The following ADAMTS6 variants were observed in gnomAD, a reference collection of about 807,000 sequenced individuals.
ADAMTS6 encodes ADAM metallopeptidase with thrombospondin type 1 motif 6.
Under a neutral mutation model 144.3 loss-of-function variants are expected in ADAMTS6, and 23 were observed. That is an observed-to-expected ratio of 0.16 (90% CI 0.11 to 0.23). The LOEUF is 0.23. Ranked by LOEUF, ADAMTS6 falls within the 10% of genes least tolerant of loss-of-function variation. ADAMTS6 has a pLI of 1.00. For synonymous variants in ADAMTS6, 444 were observed against 457.5 expected (o/e 0.97, Z 0.38); for missense variants, 999 against 1,379.6 (o/e 0.72, Z 4.37).
intron 7 of ADAMTS6, among the ~76,000 whole-genome samples, chr5:65,439,460 A>AAT (rs928504849): frequency 6.6e-6 from 1 of 152,196 alleles, no homozygotes; most frequent in Non-Finnish European, 1.5e-5. Flanking sequence ...AAAAGGACAT[A>AAT]ATGTATAATC....
chr5:65,237,371 G>C (rs1397371109), intron 15 of ADAMTS6, among the ~76,000 whole-genome samples: 15 of 139,858 alleles, frequency 1.1e-4, no homozygotes, highest in African/African-American at 3.5e-4. Context: ...CTGGGCGACA[G>C]AGGGAGACCT....
At position 65,458,229 on chromosome 5, in the gene ADAMTS6, T is replaced by C. The variant is rs1042014782; in HGVS notation, c.631+1941A>G. ...TAAGTTGTCTTTTTCTGGTACCAAC[T>C]ATTCTTGACCAACAAGGACCTAATT... On this transcript the variant is annotated intron_variant, in intron 4 of 24. Coordinates refer to ENST00000381055, the MANE Select transcript of ADAMTS6 (RefSeq NM_197941.4). Among the ~76,000 whole-genome samples, 4 of 152,310 alleles carry C rather than the reference T, an allele frequency of 2.6e-5. No individual in the cohort carries two copies. In the East Asian group the frequency reaches 7.7e-4, roughly 29 times the overall value.
At chr5:65,407,904 A>G (rs1323151491) in intron 7 of ADAMTS6, among the ~76,000 whole-genome samples, 2 of 152,190 alleles carry the variant, frequency 1.3e-5, no homozygotes, top group African/African-American at 4.8e-5. Flanking sequence ...ACTAAGCTTC[A>G]TAAGTGAAGG....
Position 65,457,440 on chromosome 5 carries a change from G to T in ADAMTS6, c.631+2730C>A, listed in dbSNP as rs146516402. Among the ~76,000 whole-genome samples the T allele has an allele frequency of 2.4e-4, 37 of 152,244 alleles. 1 individual carries two copies. In the East Asian group the frequency reaches 4.1e-3, roughly 17 times the overall value. Reference sequence around the variant, plus strand: ...GGTAAGAGAATATCTTTCCCCAAAAGTGCAGAATTTTATGATAGCCATAAG... The same window carrying T: ...GGTAAGAGAATATCTTTCCCCAAAATTGCAGAATTTTATGATAGCCATAAG... On this transcript the variant is annotated intron_variant, in intron 4 of 24. Transcript: ENST00000381055.
At chr5:65,182,808 TTTATC>T (rs376192853) in intron 22 of ADAMTS6, among the ~76,000 whole-genome samples, 111 of 152,286 alleles carry the variant, frequency 7.3e-4, no homozygotes, top group African/African-American at 2.6e-3. Flanking sequence ...CCAAGGATAT[TTTATC>T]TTATAGTAAC....
At chr5:65,225,124 AT>A in intron 16 of ADAMTS6, 77 bp from the exon 17 acceptor site, 1 of 1,384,146 alleles carries the variant, frequency 7.2e-7, no homozygotes, top group Non-Finnish European at 9.6e-7. Flanking sequence ...CATATAACTT[AT>A]TTATTTGCTT....
intron 7 of ADAMTS6, among the ~76,000 whole-genome samples, chr5:65,372,659 G>C (rs1223417598): frequency 6.6e-6 from 1 of 152,066 alleles, no homozygotes; most frequent in Non-Finnish European, 1.5e-5. Flanking sequence ...TTAATAATGG[G>C]AGACTTTAAC....
intron 15 of ADAMTS6, among the ~76,000 whole-genome samples, chr5:65,234,695 T>C (rs1044149435): frequency 1.9e-4 from 29 of 152,152 alleles, no homozygotes; most frequent in African/African-American, 6.5e-4. Flanking sequence ...GAAAACAGTA[T>C]GCAGCCTTCT....
chr5:65,298,296 A>C (rs1743040685), intron 10 of ADAMTS6, among the ~76,000 whole-genome samples: 1 of 152,148 alleles, frequency 6.6e-6, no homozygotes, highest in Non-Finnish European at 1.5e-5. Context: ...AAAATGGTAC[A>C]AAAACAAAAC....
chr5:65,320,562 TTTTTAC>T (rs1412632342), intron 9 of ADAMTS6, among the ~76,000 whole-genome samples: 1 of 152,102 alleles, frequency 6.6e-6, no homozygotes, highest in African/African-American at 2.4e-5. Flanking sequence ...CTCTTTTTTT[TTTTTAC>T]TTTTAAGTTC....
intron 20 of ADAMTS6, among the ~76,000 whole-genome samples, chr5:65,203,800 G>C (rs368404811): frequency 5.9e-5 from 9 of 151,938 alleles, no homozygotes; most frequent in African/African-American, 1.7e-4. Context: ...AGTATTTTAT[G>C]CATTCAAACA....
At chr5:65,253,870 C>T (rs1760418569) in intron 14 of ADAMTS6, among the ~76,000 whole-genome samples, 1 of 120,028 alleles carries the variant, frequency 8.3e-6, no homozygotes, top group African/African-American at 3.2e-5. Context: ...CTCTGTCATC[C>T]AGCCTGGGGT....
chr5:65,311,634 C>A (rs547478137), intron 9 of ADAMTS6, among the ~76,000 whole-genome samples: 1 of 151,908 alleles, frequency 6.6e-6, no homozygotes, highest in South Asian at 2.1e-4. Context: ...GTGTCATTTC[C>A]TCCTATATTA....
chr5:65,324,352 T>A (rs1745958916), intron 9 of ADAMTS6, among the ~76,000 whole-genome samples: 1 of 152,096 alleles, frequency 6.6e-6, no homozygotes, highest in Non-Finnish European at 1.5e-5. Flanking sequence ...CAGGAAAATA[T>A]CCTCACAATC....
intron 23 of ADAMTS6, among the ~76,000 whole-genome samples, chr5:65,172,418 GAAA>G (rs57227939): frequency 7.4e-6 from 1 of 134,854 alleles, no homozygotes; most frequent in African/African-American, 2.7e-5. Context: ...CATCTCAAAA[GAAA>G]AAAAAAAAAG....
intron 24 of ADAMTS6, among the ~76,000 whole-genome samples, chr5:65,163,109 T>C (rs1333603595): frequency 6.6e-6 from 1 of 152,134 alleles, no homozygotes; most frequent in African/African-American, 2.4e-5. Context: ...AGTGTCTCAC[T>C]ATGCTGCCCA....
chr5:65,373,380 A>C (rs1293368406), intron 7 of ADAMTS6, among the ~76,000 whole-genome samples: 1 of 151,598 alleles, frequency 6.6e-6, no homozygotes, highest in Non-Finnish European at 1.5e-5. Flanking sequence ...TAAAGAAAAA[A>C]AGAGAGAAGA....
At chr5:65,172,418 GAA>G (rs57227939) in intron 23 of ADAMTS6, among the ~76,000 whole-genome samples, 2 of 134,844 alleles carry the variant, frequency 1.5e-5, no homozygotes, top group African/African-American at 5.4e-5. Context: ...CATCTCAAAA[GAA>G]AAAAAAAAAA....
At chr5:65,273,055 T>G (rs1200427120) in intron 12 of ADAMTS6, among the ~76,000 whole-genome samples, 4 of 152,164 alleles carry the variant, frequency 2.6e-5, no homozygotes, top group Admixed American at 1.3e-4. Context: ...CAGACTACAT[T>G]ACATAACAAA....
Sources: gnomAD v4.1 joint callset for allele counts (sites outside exome capture counted in the v4.1 genomes callset) on GRCh38, gnomAD v4.1.1 for gene constraint, MANE v1.5 for transcripts, NCBI Gene and HGNC (gene_info 2026-07-23, HGNC 2026-07-21) for gene names.